The following TNPO1 variants were observed in gnomAD, a reference collection of about 807,000 sequenced individuals.
TNPO1 encodes the protein transportin 1.
Under a neutral mutation model 119.5 loss-of-function variants are expected in TNPO1, and 8 were observed. The observed-to-expected ratio is 0.07, with a 90% CI of 0.04 to 0.12. TNPO1 has a LOEUF of 0.12. TNPO1 is among the 10% of genes least tolerant of loss of function. The pLI is 1.00. For synonymous variants in TNPO1, 362 were observed against 363.0 expected, an observed-to-expected ratio of 1.00 and a Z score of 0.03; for missense variants, 576 against 1,089.8, an observed-to-expected ratio of 0.53 and a Z score of 6.64.
At chr5:72,852,977 T>A (rs1469189016) in intron 3 of TNPO1, among the ~76,000 whole-genome samples, 2 of 152,250 alleles carry the variant, frequency 1.3e-5, no homozygotes, top group Admixed American at 1.3e-4. Context: ...ATGGATTTTT[T>A]AAATCTAATT....
At chr5:72,852,514 G>A (rs1047327034) in intron 3 of TNPO1, among the ~76,000 whole-genome samples, 4 of 152,088 alleles carry the variant, frequency 2.6e-5, no homozygotes, top group African/African-American at 7.2e-5. Flanking sequence ...CAACTGATTG[G>A]CCTCTAAATG....
Position 72,897,021 on chromosome 5 carries a change from C to CT in TNPO1, c.2243-29dup, listed in dbSNP as rs140020242. 5,116 of 1,434,288 alleles carry CT rather than the reference C, an allele frequency of 3.6e-3. 133 individuals carry two copies. The Admixed American group carries it at 0.053, about 15-fold the overall frequency. The allele number at this position is 1,434,288 out of a possible 1,614,324, so 88.8% of individuals were successfully genotyped here. A position where few individuals can be genotyped will look rare whatever the true frequency, so the allele number is the denominator to read the frequency against. On this transcript the variant is annotated intron_variant, in intron 19 of 24. Coordinates refer to ENST00000337273, the MANE Select transcript of TNPO1 (RefSeq NM_002270.4). ...TTGATATTTTAACGTTCAATTTTTT[C>CT]TTTTTTGTTTTTTTCTTTTTGGGAT...
intron 1 of TNPO1, among the ~76,000 whole-genome samples, chr5:72,839,111 A>G (rs1744809435): frequency 6.6e-6 from 1 of 152,170 alleles, no homozygotes; most frequent in Non-Finnish European, 1.5e-5. Flanking sequence ...AACAATAGGC[A>G]GTGACAGTAG....
rs923413674 is a variant in TNPO1 at position 72,886,347 on chromosome 5, C to A, written c.1151-723C>A. ...CAGCTAAGTAATTGTCTGTTTAATT[C>A]TAGATGATATACTGCTGGAAATGTT... On this transcript the variant is annotated intron_variant, in intron 11 of 24. Transcript: ENST00000337273. 5.6e-4 allele frequency among the ~76,000 whole-genome samples: 85 copies of A among 152,176 alleles called. 1 individual carries two copies. The highest frequency in any genetic ancestry group is 3.3e-3 in the Admixed American group (51 of 15,284).
intron 9 of TNPO1, among the ~76,000 whole-genome samples, chr5:72,878,057 A>G (rs1487275276): frequency 2.0e-5 from 3 of 152,078 alleles, no homozygotes; most frequent in African/African-American, 4.8e-5. Flanking sequence ...CCTCCATGTC[A>G]TTAGTCTTTA....
intron 1 of TNPO1, among the ~76,000 whole-genome samples, chr5:72,845,074 C>G (rs956072005): frequency 2.1e-5 from 3 of 142,540 alleles, no homozygotes; most frequent in African/African-American, 7.7e-5. Context: ...GTTGAAATGC[C>G]TTTTTTTTTT....
At chr5:72,817,482 T>A (rs552051378) in intron 1 of TNPO1, among the ~76,000 whole-genome samples, 29 of 152,346 alleles carry the variant, frequency 1.9e-4, no homozygotes, top group African/African-American at 6.0e-4. Context: ...TGATCGCGTG[T>A]TGCTTACTGA....
chr5:72,840,134 T>C (rs2112214765), intron 1 of TNPO1, among the ~76,000 whole-genome samples: 1 of 152,214 alleles, frequency 6.6e-6, no homozygotes, highest in African/African-American at 2.4e-5. Context: ...AGACCGCTCA[T>C]AGTCTGCCCA....
chr5:72,908,054 A>G (rs952476796), intron 24 of TNPO1, among the ~76,000 whole-genome samples: 1 of 152,138 alleles, frequency 6.6e-6, no homozygotes, highest in African/African-American at 2.4e-5. Context: ...TGCTATCTCC[A>G]AAATAAATAA....
intron 5 of TNPO1, among the ~76,000 whole-genome samples, chr5:72,864,654 G>A (rs1746746484): frequency 6.6e-6 from 1 of 151,984 alleles, no homozygotes; most frequent in Admixed American, 6.6e-5. Context: ...TGTCACCCAG[G>A]CTGGAGTGCA....
intron 4 of TNPO1, among the ~76,000 whole-genome samples, chr5:72,857,161 C>CA (rs909215276): frequency 9.2e-5 from 14 of 151,826 alleles, no homozygotes; most frequent in African/African-American, 3.1e-4. Flanking sequence ...ACTAAAAATA[C>CA]AAAAAAATTA....
At chr5:72,817,795 G>A (rs938321692) in intron 1 of TNPO1, among the ~76,000 whole-genome samples, 4 of 152,206 alleles carry the variant, frequency 2.6e-5, no homozygotes, top group African/African-American at 7.2e-5. Flanking sequence ...CTGTCCTGAC[G>A]TACTACTCAC....
chr5:72,868,445 A>AC (rs1173480688), intron 6 of TNPO1, among the ~76,000 whole-genome samples: 2 of 148,106 alleles, frequency 1.4e-5, no homozygotes, highest in African/African-American at 2.4e-5. Context: ...AAAAAAAAAA[A>AC]AAAAAAAAAA....
At chr5:72,890,007 C>A in intron 14 of TNPO1, 50 bp downstream of exon 14, 2 of 1,567,242 alleles carry the variant, frequency 1.3e-6, no homozygotes, top group Non-Finnish European at 1.7e-6. Flanking sequence ...AGCATAGTTA[C>A]AATTAATAGA....
intron 9 of TNPO1, chr5:72,878,506 C>T (rs571180983): frequency 3.3e-5 from 5 of 150,340 alleles, no homozygotes; most frequent in Admixed American, 2.7e-4. Context: ...TTTTTTTTTC[C>T]CCAGATGTTT....
intron 24 of TNPO1, among the ~76,000 whole-genome samples, chr5:72,906,059 TTTTC>T (rs1457829600): frequency 2.6e-5 from 4 of 152,054 alleles, no homozygotes; most frequent in South Asian, 4.1e-4. Flanking sequence ...ACTATTCCTT[TTTTC>T]TTTCTTTTTT....
chr5:72,878,910 A>G, intron 9 of TNPO1: 1 of 513,186 alleles, frequency 1.9e-6, no homozygotes, highest in African/African-American at 2.0e-5. Flanking sequence ...TTTTGTGTCC[A>G]ATGGTCTCAG....
At chr5:72,868,560 A>G (rs1747131413) in intron 6 of TNPO1, among the ~76,000 whole-genome samples, 1 of 148,288 alleles carries the variant, frequency 6.7e-6, no homozygotes, top group Non-Finnish European at 1.5e-5. Flanking sequence ...CATTTATTTT[A>G]TAGTCCCTTC....
chr5:72,879,429 CCAAG>C (rs1483627635), intron 9 of TNPO1, among the ~76,000 whole-genome samples: 1 of 152,150 alleles, frequency 6.6e-6, no homozygotes, highest in Admixed American at 6.5e-5. Context: ...TATTCGTAAA[CCAAG>C]CAGGAAATTA....
Sources: gnomAD v4.1 joint callset for allele counts (sites outside exome capture counted in the v4.1 genomes callset) on GRCh38, gnomAD v4.1.1 for gene constraint, MANE v1.5 for transcripts, NCBI Gene and HGNC (gene_info 2026-07-23, HGNC 2026-07-21) for gene names.